Variants in SPARCL1 observed in about 807,000 individuals in gnomAD.
The protein encoded by SPARCL1 is SPARC like 1, also known as SPARC-like protein 1.
In SPARCL1, 52 loss-of-function variants were observed where a neutral mutation model predicts 67.1. That is an observed-to-expected ratio of 0.78 (90% CI 0.62 to 0.98). The LOEUF is 0.98. Among genes scored for constraint, SPARCL1 ranks in the 50% least tolerant of loss-of-function variants. The pLI is 0.00. For missense variants in SPARCL1, 717 were observed against 782.4 expected, an observed-to-expected ratio of 0.92 and a Z score of 1.00; for synonymous variants, 226 against 267.8, an observed-to-expected ratio of 0.84 and a Z score of 1.52.
chr4:87,513,008 C>T (rs1031368335), intron 1 of SPARCL1, among the ~76,000 whole-genome samples: 1 of 152,084 alleles, frequency 6.6e-6, no homozygotes, highest in African/African-American at 2.4e-5. Flanking sequence ...TACATATTTA[C>T]TGGTCTACTA....
chr4:87,496,788 C>T (rs1206294569), intron 2 of SPARCL1, among the ~76,000 whole-genome samples: 1 of 152,142 alleles, frequency 6.6e-6, no homozygotes, highest in East Asian at 1.9e-4. Context: ...AACTGAGATT[C>T]TATTTGGATT....
chr4:87,488,876 T>G (rs1184757149), intron 7 of SPARCL1, among the ~76,000 whole-genome samples: 1 of 152,188 alleles, frequency 6.6e-6, no homozygotes, highest in Non-Finnish European at 1.5e-5. Context: ...CCTAGCAGCT[T>G]TGTTTACACT....
rs747673173 is a variant in SPARCL1 at position 87,482,456 on chromosome 4, C to A, written c.1636G>T (p.Ala546Ser). Residue 546 changes from alanine (A) to serine (S), a missense_variant, in exon 8 of 11, where the codon GCT becomes TCT. Ala to Ser is a moderately conservative substitution (Grantham distance 99). Transcript: ENST00000282470. Reference protein sequence around the residue: ...MQLYEANSEHAGYLNEKQRNK... With the variant: ...MQLYEANSEHSGYLNEKQRNK... ...CTCTGCTTCTCATTTAGATAACCAG[C>A]GTGTTCAGAGTTGGCTTCATAAAGC... 2.5e-6 allele frequency: 4 copies of A among 1,613,874 alleles called. No homozygotes were observed. The highest frequency in any genetic ancestry group is 3.4e-6 in the Non-Finnish European group (4 of 1,179,908).
rs200728329 is a variant in SPARCL1 at position 87,493,745 on chromosome 4, C to A, written c.1055G>T (p.Gly352Val). 1 of 1,614,144 alleles carries A rather than the reference C, an allele frequency of 6.2e-7. No homozygotes were observed. ...GTCATCACTTGCACTGTGCCTGGGG[C>A]CATCAGTGCCGCCATCATCGCCATC... ...DDDGDDGGTD[G>V]PRHSASDDYF... The change falls in exon 4 of 11, where the codon GGC (glycine) becomes GTC (valine). Residue 352 changes from glycine (G) to valine (V), a missense_variant. By Grantham distance (109) the Gly-to-Val change is moderately radical (BLOSUM62 -3). Transcript: ENST00000282470.
At chr4:87,494,913 C>CTAA in intron 3 of SPARCL1, 68 bp downstream of exon 3, 3 of 1,375,714 alleles carry the variant, frequency 2.2e-6, no homozygotes, top group Non-Finnish European at 3.0e-6. Flanking sequence ...ATCTCTTTTA[C>CTAA]CATGCTTTGA....
At chr4:87,489,208 G>T (rs1364206635) in intron 7 of SPARCL1, among the ~76,000 whole-genome samples, 4 of 152,324 alleles carry the variant, frequency 2.6e-5, no homozygotes, top group East Asian at 1.9e-4. Flanking sequence ...GAAACCCAGG[G>T]TCCTGGTGGT....
chr4:87,499,601 A>G lies in SPARCL1; in HGVS notation c.-11-16T>C, dbSNP rs754511659. On this transcript the variant is annotated splice_polypyrimidine_tract_variant and intron_variant, in intron 1 of 10. Transcript: ENST00000282470. ...CTTTCCAGATCTGTGAACCAAGAAG[A>G]TAATTATCAGTGGCAGGGAAAAGTT... 62 of 1,577,264 alleles carry G rather than the reference A, an allele frequency of 3.9e-5. No homozygotes were observed. The highest frequency in any genetic ancestry group is 5.3e-5 in the Non-Finnish European group (62 of 1,166,690).
chr4:87,478,860 C>T (rs977761018), intron 10 of SPARCL1, among the ~76,000 whole-genome samples: 2 of 152,196 alleles, frequency 1.3e-5, no homozygotes, highest in Non-Finnish European at 2.9e-5. Context: ...ATTTCCTCCA[C>T]TGCAGGAGTA....
chr4:87,509,048 C>T (rs1002150457), intron 1 of SPARCL1, among the ~76,000 whole-genome samples: 1 of 147,258 alleles, frequency 6.8e-6, no homozygotes, highest in Non-Finnish European at 1.5e-5. Flanking sequence ...ATTATATACA[C>T]GTATCTATAT....
intron 7 of SPARCL1, among the ~76,000 whole-genome samples, chr4:87,490,043 C>A (rs1255979182): frequency 6.6e-6 from 1 of 152,076 alleles, no homozygotes; most frequent in Admixed American, 6.5e-5. Flanking sequence ...TAGGTTACTT[C>A]AAAAACAAAT....
At chr4:87,522,449 C>T (rs1202842923) in intron 1 of SPARCL1, among the ~76,000 whole-genome samples, 2 of 151,772 alleles carry the variant, frequency 1.3e-5, no homozygotes, top group South Asian at 2.1e-4. Context: ...AGGGCACATA[C>T]ATTTAGTGCT....
At chr4:87,506,293 G>A (rs1029451967) in intron 1 of SPARCL1, among the ~76,000 whole-genome samples, 2 of 152,240 alleles carry the variant, frequency 1.3e-5, no homozygotes, top group South Asian at 4.1e-4. Context: ...CTAAAAATGG[G>A]GATAACATCT....
chr4:87,486,919 T>TTTTTTTTTTTTTTTTTTTTTTTTTC (rs1724095303), intron 7 of SPARCL1, among the ~76,000 whole-genome samples: 1 of 107,898 alleles, frequency 9.3e-6, no homozygotes, highest in Non-Finnish European at 1.9e-5. Context: ...TTTTTTTTTT[T>TTTTTTTTTTTTTTTTTTTTTTTTTC]TTTTTTTTTT....
Position 87,473,490 on chromosome 4 carries a change from ATC to A in SPARCL1, c.*283_*284del, listed in dbSNP as rs1284520177. On this transcript the variant is annotated 3_prime_UTR_variant, in exon 11 of 11. Transcript: ENST00000282470. ...ATCATTAATAGTTTAATCATTAATT[ATC>A]TCATAAGTCAATGCAGAGAGTGAAA... The A allele has an allele frequency of 2.2e-5, 6 of 277,414 alleles. No homozygotes were observed. The highest frequency in any genetic ancestry group is 3.3e-5 in the Non-Finnish European group (5 of 149,758). The allele number at this position is 277,414 out of a possible 1,614,324, so 17.2% of individuals were successfully genotyped here.
chr4:87,523,038 T>TC (rs1725889966), intron 1 of SPARCL1, among the ~76,000 whole-genome samples: 1 of 152,092 alleles, frequency 6.6e-6, no homozygotes, highest in Admixed American at 6.5e-5. Flanking sequence ...AGGTGGGTGA[T>TC]CACCTGAGGT....
chr4:87,479,383 G>T, intron 10 of SPARCL1, 47 bp downstream of exon 10: 1 of 1,591,470 alleles, frequency 6.3e-7, no homozygotes, highest in Non-Finnish European at 8.6e-7. Flanking sequence ...CTTAGGGCTT[G>T]TCTGAGGAAG....
intron 2 of SPARCL1, 68 bp from the exon 3 acceptor site, chr4:87,495,195 T>C: frequency 7.5e-7 from 1 of 1,332,046 alleles, no homozygotes; most frequent in Admixed American, 2.2e-5. Context: ...TGCTAGTTAC[T>C]CTTGTTGTCA....
chr4:87,473,430 C>T lies in SPARCL1; in HGVS notation c.*345G>A, dbSNP rs1723428620. On this transcript the variant is annotated 3_prime_UTR_variant, in exon 11 of 11. Transcript: ENST00000282470. ...TAGCATTCCATTTTCTTGAAGTGCA[C>T]ATGATATTATGAACAATACAAATGC... The T allele has an allele frequency of 5.7e-6, 1 of 174,896 alleles. No homozygotes were observed. Among genetic ancestry groups the T allele is most frequent in the Non-Finnish European group, 1.2e-5 (1 of 83,506 alleles). The allele number at this position is 174,896 out of a possible 1,614,324, so 10.8% of individuals were successfully genotyped here. A position where few individuals can be genotyped will look rare whatever the true frequency, so the allele number is the denominator to read the frequency against.
At chr4:87,522,640 A>AACACACACACACAC (rs57929830) in intron 1 of SPARCL1, among the ~76,000 whole-genome samples, 3 of 131,810 alleles carry the variant, frequency 2.3e-5, no homozygotes, top group African/African-American at 8.4e-5. Flanking sequence ...ACCACCACCA[A>AACACACACACACAC]ACACACACAC....
Sources: gnomAD v4.1 joint callset for allele counts (sites outside exome capture counted in the v4.1 genomes callset) on GRCh38, gnomAD v4.1.1 for gene constraint, MANE v1.5 for transcripts, NCBI Gene and HGNC (gene_info 2026-07-23, HGNC 2026-07-21) for gene names.